The following MYT1 variants were observed in gnomAD, a reference collection of about 807,000 sequenced individuals.
MYT1 encodes the protein myelin transcription factor 1.
In MYT1, 23 loss-of-function variants were observed where a neutral mutation model predicts 123.0. That is an observed-to-expected ratio of 0.19 (90% CI 0.13 to 0.26). MYT1 has a LOEUF of 0.26. MYT1 is among the 10% of genes least tolerant of loss of function. MYT1 has a pLI of 1.00. For missense variants in MYT1, 1,125 were observed against 1,472.5 expected (o/e 0.76, Z 3.86); for synonymous variants, 518 against 575.3 (o/e 0.90, Z 1.43).
intron 1 of MYT1, among the ~76,000 whole-genome samples, chr20:64,184,959 G>A (rs776065557): frequency 1.3e-5 from 2 of 152,224 alleles, no homozygotes; most frequent in African/African-American, 2.4e-5. Context: ...GAACAGACAC[G>A]CACCGCAGTG....
intron 8 of MYT1, among the ~76,000 whole-genome samples, chr20:64,211,594 C>A (rs1256081322): frequency 6.6e-6 from 1 of 152,206 alleles, no homozygotes; most frequent in Non-Finnish European, 1.5e-5. Context: ...TCAGAGCCCA[C>A]AGTAACAGAT....
chr20:64,170,920 G>T (rs1283545555), intron 1 of MYT1, among the ~76,000 whole-genome samples: 19 of 137,290 alleles, frequency 1.4e-4, no homozygotes, highest in African/African-American at 5.0e-4. Flanking sequence ...GAGAGAGAGA[G>T]AGAGAGAGAG....
intron 1 of MYT1, among the ~76,000 whole-genome samples, chr20:64,187,329 G>T (rs553986734): frequency 1.4e-5 from 2 of 147,166 alleles, no homozygotes; most frequent in Non-Finnish European, 3.0e-5. Context: ...CCACGTTTCC[G>T]TGGAGAGTTT....
chr20:64,240,507 C>T lies in MYT1; in HGVS notation c.*59C>T. ...ACACCGTTTACCTCCCTCGCCCTGCCCCGCACCGTGGGGATGCCCAACTCA... is the reference window on the plus strand; with the variant it reads ...ACACCGTTTACCTCCCTCGCCCTGCTCCGCACCGTGGGGATGCCCAACTCA... On this transcript the variant is annotated 3_prime_UTR_variant, in exon 23 of 23. Transcript: ENST00000328439. 1.3e-6 allele frequency: 2 copies of T among 1,550,402 alleles called. No individual in the cohort carries two copies. The highest frequency in any genetic ancestry group is 2.3e-4 in the Middle Eastern group (1 of 4,336).
intron 2 of MYT1, 61 bp from the exon 3 acceptor site, chr20:64,198,800 GC>G: frequency 6.4e-7 from 1 of 1,572,522 alleles, no homozygotes; most frequent in African/African-American, 1.3e-5. Context: ...ATTCCTGATG[GC>G]TCTGTACTCC....
rs998582939 is a variant in MYT1, at chr20:64,213,048, T to C, written c.1518-486T>C. ...GCCTCCGTGTCTTAGACTGAGTACT[T>C]TCCTGGGCCTGTGTCATCCAGGGTC... On this transcript the variant is annotated intron_variant, in intron 9 of 22. Transcript: ENST00000328439. This position sits in a 1 kb window ranked among gnomAD's most constrained non-coding sequence, Gnocchi z 5.6. 6.6e-6 allele frequency among the ~76,000 whole-genome samples: 1 copy of C among 152,110 alleles called. No individual in the cohort carries two copies. Among genetic ancestry groups the C allele is most frequent in the African/African-American group, 2.4e-5 (1 of 41,426 alleles).
At position 64,185,010 on chromosome 20, in the gene MYT1, G is replaced by T. The variant is rs745360097; in HGVS notation, c.-98-5053G>T. The stretch of plus-strand genomic sequence containing the variant: ...TCACGTGCCCTGTGAACATGAAGCC[G>T]CCTGTTGTTCCAGTAGAGGGATGTG... On this transcript the variant is annotated intron_variant, in intron 1 of 22. Coordinates refer to ENST00000328439, the MANE Select transcript of MYT1 (RefSeq NM_004535.3). The surrounding 1 kb of genome is among the most constrained non-coding windows in gnomAD (Gnocchi z 4.5). Among the ~76,000 whole-genome samples, 1 of 152,202 alleles carries T rather than the reference G, an allele frequency of 6.6e-6. No homozygotes were observed.
intron 5 of MYT1, among the ~76,000 whole-genome samples, 195 bp from the exon 6 acceptor site, chr20:64,205,358 G>A (rs1469426396): frequency 1.3e-5 from 2 of 152,240 alleles, no homozygotes; most frequent in African/African-American, 2.4e-5. Context: ...GGCCATGGGC[G>A]TGCCATGTGG....
chr20:64,179,565 AC>A (rs1982578719), intron 1 of MYT1, among the ~76,000 whole-genome samples: 2 of 152,094 alleles, frequency 1.3e-5, no homozygotes, highest in Admixed American at 1.3e-4. Flanking sequence ...TTCCTGTTTT[AC>A]CCCATGGGCT....
chr20:64,184,799 G>A (rs1206612918), intron 1 of MYT1, among the ~76,000 whole-genome samples: 1 of 152,160 alleles, frequency 6.6e-6, no homozygotes, highest in Non-Finnish European at 1.5e-5. Context: ...AGGGGAAGAG[G>A]AAAACCCCAC....
rs1391494202 is a variant in MYT1, at chr20:64,197,306, T to A, written c.1-1556T>A. 2.6e-5 allele frequency among the ~76,000 whole-genome samples: 4 copies of A among 152,194 alleles called. No individual in the cohort carries two copies. In the East Asian group the frequency reaches 7.7e-4, roughly 29 times the overall value. On this transcript the variant is annotated intron_variant, in intron 2 of 22. Transcript: ENST00000328439. ...AATTTGCAAATTTCATCTTACTAAT[T>A]GGGGGAATTCCTTTTTCTTTCTTCC... is the stretch of plus-strand genomic sequence containing the variant.
chr20:64,192,496 G>A lies in MYT1; in HGVS notation c.-1+2336G>A, dbSNP rs1038625640. The stretch of plus-strand genomic sequence containing the variant: ...TGGCTTCGGACAGGAGATGGGTGGT[G>A]AGGAGCCAGCATGGGAGGGCAGTGA... On this transcript the variant is annotated intron_variant, in intron 2 of 22. Coordinates refer to ENST00000328439, the MANE Select transcript of MYT1 (RefSeq NM_004535.3). The surrounding 1 kb of genome is among the most constrained non-coding windows in gnomAD (Gnocchi z 5.3). Among the ~76,000 whole-genome samples, 14 of 152,204 alleles carry A rather than the reference G, an allele frequency of 9.2e-5. No individual in the cohort carries two copies. The highest frequency in any genetic ancestry group is 3.4e-4 in the African/African-American group (14 of 41,456).
chr20:64,185,327 G>A lies in MYT1; in HGVS notation c.-98-4736G>A, dbSNP rs889379334. ...ATCTCCTGTGCTGGAGACGGAGGAG[G>A]GCTGAGGGGGTGCATGGGAGAATGG... On this transcript the variant is annotated intron_variant, in intron 1 of 22. Transcript: ENST00000328439. This position sits in a 1 kb window ranked among gnomAD's most constrained non-coding sequence, Gnocchi z 4.5. Among the ~76,000 whole-genome samples, 1 of 152,140 alleles carries A rather than the reference G, an allele frequency of 6.6e-6. No homozygotes were observed. Among genetic ancestry groups the A allele is most frequent in the Middle Eastern group, 3.2e-3 (1 of 316 alleles).
chr20:64,235,870 GCTGGGATGGTCA>G (rs1984517002), intron 19 of MYT1, among the ~76,000 whole-genome samples: 3 of 75,042 alleles, frequency 4.0e-5, no homozygotes, highest in Non-Finnish European at 5.3e-5. Flanking sequence ...GGTGGGTGAC[GCTGGGATGGTCA>G]TGGTGGGTGA....
intron 5 of MYT1, among the ~76,000 whole-genome samples, chr20:64,205,324 CCACTCTAGCAT>C (rs1983454992): frequency 7.1e-6 from 1 of 140,718 alleles, no homozygotes; most frequent in Non-Finnish European, 1.6e-5. Flanking sequence ...CAGCGACTTC[CCACTCTAGCAT>C]GGAGGTCCGT....
In MYT1 at chr20:64,242,041, G is replaced by A. The variant is rs532060888; in HGVS notation, c.*1593G>A. 6.6e-5 allele frequency: 10 copies of A among 152,652 alleles called. No individual in the cohort carries two copies. Among genetic ancestry groups the A allele is most frequent in the Admixed American group, 4.6e-4 (7 of 15,302 alleles). The allele number at this position is 152,652 out of a possible 1,614,324, so 9.5% of individuals were successfully genotyped here. The stretch of plus-strand genomic sequence containing the variant: ...TGGGCGTGTTTCTCGTGTCGCGTTT[G>A]CGTGTCGGCTCTTGCGGTGGAGTCC... On this transcript the variant is annotated 3_prime_UTR_variant, in exon 23 of 23. Transcript: ENST00000328439.
chr20:64,225,082 G>A (rs997613215), intron 16 of MYT1, among the ~76,000 whole-genome samples: 1 of 152,174 alleles, frequency 6.6e-6, no homozygotes, highest in African/African-American at 2.4e-5. Context: ...AGGCAGCCAC[G>A]GCCTCCAGGC....
chr20:64,172,031 A>G (rs1202613523), intron 1 of MYT1, among the ~76,000 whole-genome samples: 1 of 152,080 alleles, frequency 6.6e-6, no homozygotes, highest in East Asian at 1.9e-4. Flanking sequence ...CCTACTGGCC[A>G]CCCACTTCCT....
chr20:64,231,035 C>T lies in MYT1; in HGVS notation c.2676-1129C>T, dbSNP rs1339817753. On this transcript the variant is annotated intron_variant, in intron 18 of 22. Coordinates refer to ENST00000328439, the MANE Select transcript of MYT1 (RefSeq NM_004535.3). This position sits in a 1 kb window ranked among gnomAD's most constrained non-coding sequence, Gnocchi z 6.4. ...CTCACCCCTACGGCGGGAGCCTCTG[C>T]CCCCGCCCCCGCCCCCTGCTACCGT... Among the ~76,000 whole-genome samples, 1 of 151,746 alleles carries T rather than the reference C, an allele frequency of 6.6e-6. No homozygotes were observed. The highest frequency in any genetic ancestry group is 1.5e-5 in the Non-Finnish European group (1 of 67,874).
Sources: gnomAD v4.1 joint callset for allele counts (sites outside exome capture counted in the v4.1 genomes callset) on GRCh38, gnomAD v4.1.1 for gene constraint, Gnocchi (gnomAD v3.1) non-coding constraint, MANE v1.5 for transcripts, NCBI Gene and HGNC (gene_info 2026-07-23, HGNC 2026-07-21) for gene names.